Variants in HEATR4 observed in about 807,000 individuals in gnomAD.
The protein encoded by HEATR4 is HEAT repeat-containing protein 4.
HEATR4 carries 95 observed loss-of-function variants against 108.8 expected under a neutral mutation model. The ratio of observed to expected loss-of-function variants is 0.87; its 90% CI spans 0.74 to 1.04. The LOEUF is 1.04. Among genes scored for constraint, HEATR4 ranks in the 50% least tolerant of loss-of-function variants. The pLI is 0.00. For missense variants in HEATR4, 1,152 were observed against 1,253.8 expected (o/e 0.92, Z 1.23); for synonymous variants, 443 against 459.4 (o/e 0.96, Z 0.46).
the HEATR4 span, among the ~76,000 whole-genome samples, chr14:73,597,815 A>G: frequency 2.0e-5 from 3 of 151,454 alleles, no homozygotes; most frequent in Non-Finnish European, 4.4e-5. Context: ...GCTGGTCTCA[A>G]ATCCCTGACC....
At chr14:73,575,348 C>A in the HEATR4 span, 5 of 983,774 alleles carry the variant, frequency 5.1e-6, no homozygotes, top group Non-Finnish European at 7.2e-6. Flanking sequence ...CTCCTTACTT[C>A]CCCCTGTGTC....
chr14:73,530,515 A>C (rs1254104424), intron 1 of HEATR4: 2 of 126,354 alleles, frequency 1.6e-5, no homozygotes, highest in Non-Finnish European at 3.5e-5. Flanking sequence ...GCCCTCAAAA[A>C]GTTCCCCTCA....
rs1480821888 is a variant in HEATR4, at chr14:73,556,152, G to A, written c.-152+2599C>T. Among the ~76,000 whole-genome samples, 3 of 113,768 alleles carry A rather than the reference G, an allele frequency of 2.6e-5. No homozygotes were observed. In the South Asian group the frequency reaches 8.4e-4, roughly 32 times the overall value. The allele number at this position is 113,768 out of a possible 152,430, so 74.6% of individuals were successfully genotyped here. The stretch of plus-strand genomic sequence containing the variant: ...AGAAATTCTTAAGGAGGCTGGGTGC[G>A]GTGGCTCACGCCTGTAATCCCAACA... On this transcript the variant is annotated intron_variant, in intron 1 of 17. Transcript: ENST00000553558.
At chr14:73,581,141 T>G in the HEATR4 span, 1 of 151,752 alleles carries the variant, frequency 6.6e-6, no homozygotes, top group Non-Finnish European at 1.5e-5. Context: ...ACTTTTTTTT[T>G]TTTTTTCTTG....
At chr14:73,591,337 CA>C in the HEATR4 span, among the ~76,000 whole-genome samples, 1 of 152,144 alleles carries the variant, frequency 6.6e-6, no homozygotes, top group Non-Finnish European at 1.5e-5. Context: ...CACTTGAAGT[CA>C]GGAGTTCAAG....
At chr14:73,519,745 C>T (rs1221449570) in intron 4 of HEATR4, among the ~76,000 whole-genome samples, 1 of 151,620 alleles carries the variant, frequency 6.6e-6, no homozygotes, top group Non-Finnish European at 1.5e-5. Context: ...CGGCTGGGCA[C>T]CATGGCTCAC....
the HEATR4 span, among the ~76,000 whole-genome samples, chr14:73,570,213 ATT>A: frequency 6.6e-6 from 1 of 151,392 alleles, no homozygotes; most frequent in African/African-American, 2.4e-5. Context: ...TGGAAAGCTG[ATT>A]GGGGAAGTGT....
At chr14:73,510,193 A>G (rs1204837789) in intron 7 of HEATR4, among the ~76,000 whole-genome samples, 1 of 151,658 alleles carries the variant, frequency 6.6e-6, no homozygotes, top group Non-Finnish European at 1.5e-5. Context: ...AATTATATTT[A>G]GGTAGTGCTT....
the HEATR4 span, among the ~76,000 whole-genome samples, chr14:73,589,802 G>A: frequency 2.0e-5 from 3 of 152,124 alleles, no homozygotes; most frequent in Admixed American, 6.6e-5. Flanking sequence ...TCTGGAGATT[G>A]TACCTTCTGA....
chr14:73,522,285 G>T lies in HEATR4; in HGVS notation c.868C>A (p.Pro290Thr), dbSNP rs747179231. ...QEKKKPELLL[P>T]VYYRLPSYFQ... ...TGGCCAGTATACCTGTAGTAAACGG[G>T]AAGCAGCAGTTCTGGCTTCTTCTTT... Residue 290 changes from proline (P) to threonine (T), a missense_variant, in exon 3 of 18, where the codon CCC becomes ACC. Transcript: ENST00000553558. 33 of 1,613,840 alleles carry T rather than the reference G, an allele frequency of 2.0e-5. No homozygotes were observed. Among genetic ancestry groups the T allele is most frequent in the Middle Eastern group, 3.3e-4 (2 of 6,004 alleles).
At chr14:73,566,481 G>C in the HEATR4 span, among the ~76,000 whole-genome samples, 24 of 152,286 alleles carry the variant, frequency 1.6e-4, no homozygotes, top group Admixed American at 1.4e-3. Context: ...CCTTTCCCGT[G>C]GGAAGGCAGC....
At chr14:73,560,388 G>A (rs946684781), upstream of HEATR4, among the ~76,000 whole-genome samples, 3 of 152,112 alleles carry the variant, frequency 2.0e-5, no homozygotes, top group African/African-American at 7.2e-5. Context: ...ACTGAGCCAG[G>A]CGCTGTGGCT....
Position 73,542,446 on chromosome 14 carries a change from C to T in HEATR4, c.-151-12202G>A, listed in dbSNP as rs754814655. On this transcript the variant is annotated intron_variant, in intron 1 of 17. Coordinates refer to ENST00000553558, the MANE Select transcript of HEATR4 (RefSeq NM_001220484.1). The stretch of plus-strand genomic sequence containing the variant: ...TTAAGACGGAGTCTTGCCGTGTCAA[C>T]GAGGCTGGAGTGCAGTGGCATGATC... 3.2e-5 allele frequency among the ~76,000 whole-genome samples: 3 copies of T among 93,646 alleles called. 1 individual carries two copies. The highest frequency in any genetic ancestry group is 3.5e-4 in the South Asian group (1 of 2,892). 61.4% of individuals were successfully genotyped at this position (93,646 alleles called of 152,430 possible). A position where few individuals can be genotyped will look rare whatever the true frequency, so the allele number is the denominator to read the frequency against.
the HEATR4 span, chr14:73,573,546 G>A: frequency 6.2e-7 from 1 of 1,613,636 alleles, no homozygotes; most frequent in East Asian, 2.2e-5. Flanking sequence ...GCTCCATCTG[G>A]AGTACTTTGA....
the HEATR4 span, chr14:73,595,097 A>G: frequency 1.9e-6 from 3 of 1,613,982 alleles, no homozygotes; most frequent in Admixed American, 1.7e-5. Flanking sequence ...AGGAGCTGAT[A>G]TTTGTCTCTC....
chr14:73,628,308 T>C, the HEATR4 span, among the ~76,000 whole-genome samples: 1 of 152,242 alleles, frequency 6.6e-6, no homozygotes, highest in Non-Finnish European at 1.5e-5. Context: ...TCATTTTTTT[T>C]AATTTAAAGA....
At chr14:73,575,424 A>G in the HEATR4 span, 1,106 of 1,352,436 alleles carry the variant, frequency 8.2e-4, 2 homozygotes, top group Middle Eastern at 1.3e-3. Flanking sequence ...GGCTCATGCC[A>G]TGGCTCAGGT....
the HEATR4 span, among the ~76,000 whole-genome samples, chr14:73,587,147 AC>A: frequency 3.5e-4 from 53 of 151,718 alleles, no homozygotes; most frequent in East Asian, 3.1e-3. Context: ...AAAAACAAAA[AC>A]AAAAAAAAGA....
intron 7 of HEATR4, among the ~76,000 whole-genome samples, chr14:73,511,536 TAAATAAATAAATAAATAAATAAATAAATA>T (rs1390008965): frequency 8.3e-6 from 1 of 120,566 alleles, no homozygotes; most frequent in Non-Finnish European, 1.8e-5. Flanking sequence ...AATAAATAAA[TAAATAAATAAATAAATAAATAAATAAATA>T]AAATAAAATA....
Sources: gnomAD v4.1 joint callset for allele counts (sites outside exome capture counted in the v4.1 genomes callset) on GRCh38, gnomAD v4.1.1 for gene constraint, MANE v1.5 for transcripts, NCBI Gene and HGNC (gene_info 2026-07-23, HGNC 2026-07-21) for gene names.